RBFOX1: variants seen among roughly 807,000 people sequenced by gnomAD.
RBFOX1 encodes the protein RNA binding fox-1 homolog 1, also known as RNA binding protein fox-1 homolog 1.
Under a neutral mutation model 57.7 loss-of-function variants are expected in RBFOX1, and 8 were observed. The ratio of observed to expected loss-of-function variants is 0.14; its 90% CI spans 0.08 to 0.25. The LOEUF is 0.25. RBFOX1 is among the 10% of genes least tolerant of loss of function. RBFOX1 has a pLI of 1.00. For synonymous variants in RBFOX1, 326 were observed against 222.4 expected (o/e 1.47, Z -4.15); for missense variants, 611 against 548.5 (o/e 1.11, Z -1.14).
intron 4 of RBFOX1, among the ~76,000 whole-genome samples, chr16:7,102,349 A>G (rs1344437408): frequency 6.6e-6 from 1 of 152,236 alleles, no homozygotes; most frequent in African/African-American, 2.4e-5. Flanking sequence ...ACAGAGCCTA[A>G]GTCTTACTGA....
At chr16:7,344,356 T>G (rs567730583) in intron 4 of RBFOX1, among the ~76,000 whole-genome samples, 1 of 150,230 alleles carries the variant, frequency 6.7e-6, no homozygotes, top group South Asian at 2.1e-4. Flanking sequence ...TTATTTTATA[T>G]TTTATATTAT....
intron 14 of RBFOX1, among the ~76,000 whole-genome samples, chr16:7,690,747 G>A (rs750013139): frequency 6.6e-6 from 1 of 152,058 alleles, no homozygotes; most frequent in Non-Finnish European, 1.5e-5. Flanking sequence ...GTCATCTGGG[G>A]CAAATGGCTT....
chr16:6,900,495 G>A (rs988968177), intron 3 of RBFOX1, among the ~76,000 whole-genome samples: 6 of 152,164 alleles, frequency 3.9e-5, no homozygotes, highest in African/African-American at 1.4e-4. Flanking sequence ...AAACACGATT[G>A]CATGGCCTTG....
chr16:7,094,777 GGT>G (rs562302339), intron 4 of RBFOX1, among the ~76,000 whole-genome samples: 2,159 of 53,548 alleles, frequency 0.04, 27 homozygotes, highest in East Asian at 0.084. Flanking sequence ...TGTGTGTGTG[GGT>G]GTGTGTGTGT....
chr16:6,966,476 G>A (rs1184766977), intron 3 of RBFOX1, among the ~76,000 whole-genome samples: 1 of 152,164 alleles, frequency 6.6e-6, no homozygotes, highest in East Asian at 1.9e-4. Context: ...CATCCACGGA[G>A]CATGATCACA....
chr16:6,784,795 T>C (rs1479002269), intron 3 of RBFOX1, among the ~76,000 whole-genome samples: 1 of 152,146 alleles, frequency 6.6e-6, no homozygotes. Context: ...GAATTTTCTA[T>C]TTAGCCATCT....
At chr16:6,963,224 A>T (rs1284212628) in intron 3 of RBFOX1, among the ~76,000 whole-genome samples, 4 of 152,018 alleles carry the variant, frequency 2.6e-5, no homozygotes, top group Non-Finnish European at 5.9e-5. Context: ...GTAAAGAGGT[A>T]GCATCAAAAG....
intron 4 of RBFOX1, among the ~76,000 whole-genome samples, chr16:7,288,402 C>T (rs2095692821): frequency 6.6e-6 from 1 of 152,154 alleles, no homozygotes; most frequent in Admixed American, 6.5e-5. Flanking sequence ...TATTTATCTT[C>T]CCTCATTCTC....
intron 2 of RBFOX1, among the ~76,000 whole-genome samples, chr16:6,620,559 A>AT (rs902650308): frequency 6.6e-5 from 10 of 151,392 alleles, no homozygotes; most frequent in East Asian, 1.9e-4. Context: ...TCCGGGAGCT[A>AT]TTTTTTTTTA....
At chr16:6,294,744 C>G (rs1203441355) in intron 1 of RBFOX1, among the ~76,000 whole-genome samples, 1 of 152,158 alleles carries the variant, frequency 6.6e-6, no homozygotes, top group East Asian at 1.9e-4. Context: ...TTTGATATCA[C>G]TCTGTTAAAA....
At chr16:6,873,114 T>C (rs1025994646) in intron 3 of RBFOX1, among the ~76,000 whole-genome samples, 18 of 151,898 alleles carry the variant, frequency 1.2e-4, no homozygotes, top group Admixed American at 1.2e-3. Flanking sequence ...TGAGAAACTT[T>C]TAGTTTCTAT....
chr16:6,743,031 C>T (rs28847092), intron 3 of RBFOX1, among the ~76,000 whole-genome samples: 2 of 152,068 alleles, frequency 1.3e-5, no homozygotes, highest in African/African-American at 2.4e-5. Context: ...AAATGGGTTA[C>T]CAATGTCACT....
chr16:6,566,725 C>T (rs1474511989), intron 2 of RBFOX1, among the ~76,000 whole-genome samples: 2 of 152,144 alleles, frequency 1.3e-5, no homozygotes, highest in South Asian at 2.1e-4. Context: ...CTGTTCCTGG[C>T]ACTCTCATCT....
In RBFOX1 at chr16:5,465,182, G is replaced by C. The variant is rs1306118216; in HGVS notation, c.220-2034G>C. On this transcript the variant is annotated intron_variant, in intron 1 of 2. Transcript: ENST00000585867. ...CCAGAAGTCCAAGATCGAGGTGTCA[G>C]CAGGATTGGTTTCTTCTGAGGCCCC... Among the ~76,000 whole-genome samples, 3 of 152,182 alleles carry C rather than the reference G, an allele frequency of 2.0e-5. No homozygotes were observed. The East Asian group carries it at 5.8e-4, about 29-fold the overall frequency.
intron 1 of RBFOX1, among the ~76,000 whole-genome samples, chr16:5,374,537 G>A (rs926600602): frequency 6.6e-6 from 1 of 152,178 alleles, no homozygotes; most frequent in African/African-American, 2.4e-5. Flanking sequence ...ATCACAGGGA[G>A]TGGGAAGGGG....
At chr16:6,788,824 A>G (rs13339555) in intron 3 of RBFOX1, among the ~76,000 whole-genome samples, 90 of 152,066 alleles carry the variant, frequency 5.9e-4, no homozygotes, top group African/African-American at 1.8e-3. Flanking sequence ...CGATGTGCCA[A>G]TTTCCATCTT....
chr16:6,007,419 A>G (rs1375691139), intron 4 of RBFOX1, among the ~76,000 whole-genome samples: 3 of 152,160 alleles, frequency 2.0e-5, no homozygotes, highest in Non-Finnish European at 4.4e-5. Context: ...TAGTCACATG[A>G]CTGAGCAGGC....
At chr16:7,453,842 G>C (rs1269812205) in intron 4 of RBFOX1, among the ~76,000 whole-genome samples, 1 of 152,184 alleles carries the variant, frequency 6.6e-6, no homozygotes, top group Non-Finnish European at 1.5e-5. Flanking sequence ...CATTCCTAGA[G>C]TTCATGTCCT....
intron 4 of RBFOX1, among the ~76,000 whole-genome samples, chr16:7,258,557 G>A (rs1403917733): frequency 2.0e-5 from 3 of 151,912 alleles, no homozygotes; most frequent in Admixed American, 2.0e-4. Context: ...TATCAGTACT[G>A]GCACATCTGT....
Sources: allele counts gnomAD v4.1 joint callset (sites outside exome capture counted in the v4.1 genomes callset), GRCh38; gene constraint gnomAD v4.1.1; transcripts MANE v1.5; gene names NCBI Gene and HGNC (gene_info 2026-07-23, HGNC 2026-07-21).